FRYL: variants seen among roughly 807,000 people sequenced by gnomAD.
FRYL encodes FRY like transcription coactivator.
FRYL carries 150 observed loss-of-function variants against 351.2 expected under a neutral mutation model. The observed-to-expected ratio is 0.43, with a 90% confidence interval of 0.37 to 0.49. The LOEUF (loss-of-function observed/expected upper bound fraction) is 0.49, where lower values mean the gene tolerates loss of function less well. FRYL is among the 20% of genes least tolerant of loss of function. The probability of loss-of-function intolerance (pLI) is 0.00; values close to 1 mark genes in which losing one functional copy is unlikely to be tolerated. For missense variants in FRYL, 3,036 were observed against 3,619.3 expected (o/e 0.84, Z 4.13); for synonymous variants, 1,153 against 1,257.1 (o/e 0.92, Z 1.75).
At chr4:48,640,651 T>C (rs563039501) in intron 3 of FRYL, among the ~76,000 whole-genome samples, 3 of 152,266 alleles carry the variant, frequency 2.0e-5, no homozygotes, top group Non-Finnish European at 4.4e-5. Context: ...CTTTAGTTAA[T>C]AATAATGTTT....
At chr4:48,715,596 A>G (rs1768708044) in intron 1 of FRYL, among the ~76,000 whole-genome samples, 1 of 151,800 alleles carries the variant, frequency 6.6e-6, no homozygotes, top group Non-Finnish European at 1.5e-5. Flanking sequence ...AAGGAGAACT[A>G]CAAACCACTG....
chr4:48,575,380 G>T, intron 24 of FRYL, 139 bp from the exon 25 acceptor site: 2 of 866,778 alleles, frequency 2.3e-6, no homozygotes, highest in Middle Eastern at 3.4e-4. Flanking sequence ...AATTTCACCT[G>T]GGGTGTACAT....
chr4:48,779,183 G>C (rs1776356713), intron 1 of FRYL, among the ~76,000 whole-genome samples: 1 of 152,188 alleles, frequency 6.6e-6, no homozygotes, highest in Non-Finnish European at 1.5e-5. Flanking sequence ...AGGAAACCAG[G>C]CTGTGCCCAA....
chr4:48,635,184 G>T (rs1372560158), intron 3 of FRYL, among the ~76,000 whole-genome samples: 1 of 152,146 alleles, frequency 6.6e-6, no homozygotes, highest in Non-Finnish European at 1.5e-5. Context: ...AACTTTGTAA[G>T]AAAATTAGAT....
At chr4:48,562,641 C>A (rs1404709420) in intron 32 of FRYL, among the ~76,000 whole-genome samples, 1 of 152,172 alleles carries the variant, frequency 6.6e-6, no homozygotes, top group African/African-American at 2.4e-5. Context: ...CCTTCATACA[C>A]ATACACACAC....
intron 62 of FRYL, 112 bp downstream of exon 62, chr4:48,501,511 A>G (rs1045286240): frequency 1.5e-6 from 1 of 685,714 alleles, no homozygotes; most frequent in South Asian, 1.6e-5. Context: ...ACTAAAAGAA[A>G]AAAGACTCAC....
intron 7 of FRYL, among the ~76,000 whole-genome samples, chr4:48,613,045 T>C (rs1748575416): frequency 6.6e-6 from 1 of 152,222 alleles, no homozygotes; most frequent in South Asian, 2.1e-4. Flanking sequence ...GTTTTGGATT[T>C]CTGATTTTCT....
intron 1 of FRYL, among the ~76,000 whole-genome samples, chr4:48,715,228 T>C (rs1284542971): frequency 2.1e-4 from 31 of 151,070 alleles, no homozygotes; most frequent in African/African-American, 7.3e-4. Context: ...AGGGATGCCC[T>C]CTCTCACCAC....
intron 1 of FRYL, among the ~76,000 whole-genome samples, chr4:48,711,268 T>C (rs1767975677): frequency 6.6e-6 from 1 of 152,238 alleles, no homozygotes; most frequent in East Asian, 1.9e-4. Flanking sequence ...AGGCATTGCC[T>C]CACTCGGGAA....
At chr4:48,700,912 CTAGT>C (rs1766653952) in intron 2 of FRYL, among the ~76,000 whole-genome samples, 1 of 151,924 alleles carries the variant, frequency 6.6e-6, no homozygotes. Context: ...AGTACTTGCC[CTAGT>C]TACTGTTTCA....
Position 48,634,406 on chromosome 4 carries a change from G to A in FRYL, c.5C>T (p.Ser2Leu). Reference protein sequence around the residue: MSNITIDPDVKP... With the variant: MLNITIDPDVKP... ...GACATCTGGGTCAATCGTAATGTTT[G>A]ACATGATGATATTTTTTTTTCCCCA... Residue 2 changes from serine to leucine, a missense_variant, in exon 4 of 64, where the codon TCA becomes TTA. Around this residue, in one of 7 missense-constraint regions of FRYL, gnomAD observed 457 missense variants for 566.6 expected, o/e 0.81. Transcript: ENST00000358350. 6.2e-7 allele frequency: 1 copy of A among 1,612,988 alleles called. No homozygotes were observed. Among genetic ancestry groups the A allele is most frequent in the Non-Finnish European group, 8.5e-7 (1 of 1,179,190 alleles).
chr4:48,503,985 T>G (rs1720327013), intron 60 of FRYL, among the ~76,000 whole-genome samples: 1 of 152,142 alleles, frequency 6.6e-6, no homozygotes, highest in Admixed American at 6.5e-5. Flanking sequence ...GCCTCTACTT[T>G]GGGATGTAAT....
At chr4:48,766,898 T>C (rs1007432657) in intron 1 of FRYL, among the ~76,000 whole-genome samples, 1 of 151,084 alleles carries the variant, frequency 6.6e-6, no homozygotes, top group African/African-American at 2.4e-5. Context: ...TTCACGGATT[T>C]CCATAGATTT....
chr4:48,700,979 T>G (rs147170079), intron 2 of FRYL, among the ~76,000 whole-genome samples: 1,526 of 152,262 alleles, frequency 0.01, 10 homozygotes, highest in South Asian at 0.016. Flanking sequence ...AGACTCAAGG[T>G]GCTTATTTAA....
intron 14 of FRYL, 50 bp downstream of exon 14, chr4:48,595,847 T>C (rs1370603486): frequency 7.6e-7 from 1 of 1,308,312 alleles, no homozygotes; most frequent in South Asian, 1.3e-5. Flanking sequence ...AGTGTGTTTT[T>C]TTAAAAACAA....
chr4:48,517,503 A>C (rs1723878881), intron 55 of FRYL, among the ~76,000 whole-genome samples: 1 of 152,192 alleles, frequency 6.6e-6, no homozygotes, highest in Non-Finnish European at 1.5e-5. Context: ...TGAGAATCAA[A>C]TTTTCTTGTA....
rs1446687722 is a variant in FRYL at position 48,567,270 on chromosome 4, C to A, written c.3147G>T (p.Ala1049=). The change falls in exon 28 of 64, where the codon GCG becomes GCT. Residue 1049 remains alanine (A), a synonymous_variant. Coordinates refer to ENST00000358350, the MANE Select transcript of FRYL (RefSeq NM_015030.2). The surrounding 1 kb of genome is among the most constrained non-coding windows in gnomAD (Gnocchi z 4.2). ...TACCTGGAACATTCTGAATAATATT[C>A]GCCACTAAGGCACTAAAATGGCATC... is the stretch of plus-strand genomic sequence containing the variant. ...DIRCHFSALV[A]NIIQNVPVHQ... 10 of 1,609,530 alleles carry A rather than the reference C, an allele frequency of 6.2e-6. No homozygotes were observed. The highest frequency in any genetic ancestry group is 8.5e-6 in the Non-Finnish European group (10 of 1,178,584).
At chr4:48,578,230 T>C (rs1214618005) in intron 23 of FRYL, among the ~76,000 whole-genome samples, 3 of 152,178 alleles carry the variant, frequency 2.0e-5, no homozygotes, top group Middle Eastern at 6.8e-3. Flanking sequence ...AGAAAAAAGG[T>C]ACAGAGTGAA....
chr4:48,752,578 T>C, intron 1 of FRYL, among the ~76,000 whole-genome samples: 1 of 152,204 alleles, frequency 6.6e-6, no homozygotes, highest in East Asian at 1.9e-4. Flanking sequence ...TGATATGTGC[T>C]GAAGTATTTA....
Sources: gnomAD v4.1 joint callset for allele counts (sites outside exome capture counted in the v4.1 genomes callset) on GRCh38, gnomAD v4.1.1 for gene constraint, gnomAD v4.1.1 regional missense constraint, Gnocchi (gnomAD v3.1) non-coding constraint, MANE v1.5 for transcripts, NCBI Gene and HGNC (gene_info 2026-07-23, HGNC 2026-07-21) for gene names.